The following LYPLAL1 variants were observed in gnomAD, a reference collection of about 807,000 sequenced individuals.
LYPLAL1 encodes the protein lysophospholipase-like protein 1.
A neutral mutation model predicts 19.7 loss-of-function variants in LYPLAL1; 23 were observed. That is an observed-to-expected ratio of 1.17 (90% CI 0.84 to 1.65). LYPLAL1 has a LOEUF of 1.65. Among genes scored for constraint, LYPLAL1 ranks in the 40% most tolerant of loss-of-function variants. LYPLAL1 has a pLI of 0.00. For synonymous variants in LYPLAL1, 119 were observed against 96.3 expected (o/e 1.24, Z -1.38); for missense variants, 355 against 279.4 (o/e 1.27, Z -1.93).
the LYPLAL1 span, among the ~76,000 whole-genome samples, chr1:219,286,768 G>A: frequency 6.6e-6 from 1 of 152,216 alleles, no homozygotes; most frequent in Non-Finnish European, 1.5e-5. Context: ...AACAGCCTTT[G>A]GCTTTTGCTC....
At chr1:219,234,881 T>C in the LYPLAL1 span, among the ~76,000 whole-genome samples, 19 of 152,308 alleles carry the variant, frequency 1.2e-4, no homozygotes, top group East Asian at 3.3e-3. Flanking sequence ...ATATGCAGCC[T>C]CTAATTTGGA....
chr1:219,256,335 G>A, the LYPLAL1 span, among the ~76,000 whole-genome samples: 1 of 151,890 alleles, frequency 6.6e-6, no homozygotes, highest in Non-Finnish European at 1.5e-5. Flanking sequence ...ATTTAATGGA[G>A]TGTAATTATT....
At chr1:219,323,675 A>T in the LYPLAL1 span, among the ~76,000 whole-genome samples, 1 of 152,198 alleles carries the variant, frequency 6.6e-6, no homozygotes, top group East Asian at 1.9e-4. Flanking sequence ...TTTGTTCAAC[A>T]ATGTATAGTA....
At chr1:219,180,252 C>T (rs1558219938) in intron 2 of LYPLAL1, among the ~76,000 whole-genome samples, 2 of 152,192 alleles carry the variant, frequency 1.3e-5, no homozygotes, top group East Asian at 3.8e-4. Context: ...CCCAAAAGTG[C>T]TGGAATTACA....
At chr1:219,332,676 G>A in the LYPLAL1 span, among the ~76,000 whole-genome samples, 3 of 152,054 alleles carry the variant, frequency 2.0e-5, no homozygotes, top group East Asian at 5.8e-4. Flanking sequence ...ATGATGAAGA[G>A]AAGACTTATT....
chr1:219,368,310 A>G, the LYPLAL1 span, among the ~76,000 whole-genome samples: 1 of 152,166 alleles, frequency 6.6e-6, no homozygotes, highest in Non-Finnish European at 1.5e-5. Flanking sequence ...AGGCACTACA[A>G]TGTGTAGAGA....
At chr1:219,396,283 A>G in the LYPLAL1 span, among the ~76,000 whole-genome samples, 11 of 151,962 alleles carry the variant, frequency 7.2e-5, no homozygotes, top group Admixed American at 2.6e-4. Context: ...ATTCTGTTCC[A>G]TTGGTCTATG....
At chr1:219,200,746 A>G (rs1012308073) in intron 3 of LYPLAL1, among the ~76,000 whole-genome samples, 2 of 152,222 alleles carry the variant, frequency 1.3e-5, no homozygotes, top group African/African-American at 4.8e-5. Context: ...TCTTCAGTAT[A>G]AAGTTTATCA....
At chr1:219,219,735 T>A in the LYPLAL1 span, among the ~76,000 whole-genome samples, 1 of 152,098 alleles carries the variant, frequency 6.6e-6, no homozygotes, top group Non-Finnish European at 1.5e-5. Context: ...TGTGCATGTG[T>A]CTGTGTAAAC....
chr1:219,320,064 C>T, the LYPLAL1 span, among the ~76,000 whole-genome samples: 54 of 152,260 alleles, frequency 3.5e-4, no homozygotes, highest in African/African-American at 9.9e-4. Context: ...CAACACAATA[C>T]GCAAGACAGA....
At chr1:219,378,540 T>C in the LYPLAL1 span, among the ~76,000 whole-genome samples, 3 of 152,038 alleles carry the variant, frequency 2.0e-5, no homozygotes, top group Admixed American at 2.0e-4. Context: ...AATTAAAAAT[T>C]GTTATTCAAG....
At chr1:219,174,152 G>A in intron 1 of LYPLAL1, 171 bp downstream of exon 1, 2 of 1,440,884 alleles carry the variant, frequency 1.4e-6, no homozygotes, top group Non-Finnish European at 1.8e-6. Flanking sequence ...CCTGCCCCCA[G>A]CCTCCCCCGT....
At chr1:219,439,771 C>T in the LYPLAL1 span, among the ~76,000 whole-genome samples, 1 of 151,734 alleles carries the variant, frequency 6.6e-6, no homozygotes, top group Non-Finnish European at 1.5e-5. Flanking sequence ...TATATTATAA[C>T]TTATGGCCTT....
the LYPLAL1 span, among the ~76,000 whole-genome samples, chr1:219,278,881 T>C: frequency 3.3e-5 from 5 of 152,148 alleles, no homozygotes; most frequent in Admixed American, 6.5e-5. Flanking sequence ...CCCTGTCCTC[T>C]ACCCTCTAGA....
At chr1:219,412,670 T>A in the LYPLAL1 span, among the ~76,000 whole-genome samples, 1 of 152,156 alleles carries the variant, frequency 6.6e-6, no homozygotes, top group Non-Finnish European at 1.5e-5. Flanking sequence ...ATATAGAACC[T>A]CCTCTAATTG....
the LYPLAL1 span, among the ~76,000 whole-genome samples, chr1:219,232,477 A>G: frequency 6.6e-6 from 1 of 152,194 alleles, no homozygotes; most frequent in African/African-American, 2.4e-5. Flanking sequence ...TGGATTTGGC[A>G]ATGATTTCTT....
At chr1:219,278,728 A>G in the LYPLAL1 span, among the ~76,000 whole-genome samples, 1 of 151,558 alleles carries the variant, frequency 6.6e-6, no homozygotes, top group Non-Finnish European at 1.5e-5. Flanking sequence ...GGATTGGGAA[A>G]GAAGGGCGGA....
At chr1:219,327,125 C>T in the LYPLAL1 span, among the ~76,000 whole-genome samples, 10 of 152,092 alleles carry the variant, frequency 6.6e-5, no homozygotes, top group African/African-American at 2.4e-4. Context: ...AACAAAAAAA[C>T]AGCAGGAGGC....
chr1:219,257,248 G>C, the LYPLAL1 span, among the ~76,000 whole-genome samples: 4 of 151,680 alleles, frequency 2.6e-5, no homozygotes, highest in African/African-American at 9.7e-5. Flanking sequence ...TATATGTCTA[G>C]AATTATTGTA....
Sources: gnomAD v4.1 joint callset for allele counts (sites outside exome capture counted in the v4.1 genomes callset) on GRCh38, gnomAD v4.1.1 for gene constraint, MANE v1.5 for transcripts, NCBI Gene and HGNC (gene_info 2026-07-23, HGNC 2026-07-21) for gene names.